Variants in PPARGC1A observed in about 807,000 individuals in gnomAD.
The protein encoded by PPARGC1A is PPARG coactivator 1 alpha, also known as peroxisome proliferator-activated receptor gamma coactivator 1-alpha.
Under a neutral mutation model 88.7 loss-of-function variants are expected in PPARGC1A, and 25 were observed. The observed-to-expected ratio is 0.28, with a 90% confidence interval of 0.21 to 0.39. The LOEUF is 0.39. Ranked by LOEUF, PPARGC1A falls within the 10% of genes least tolerant of loss-of-function variation. The pLI is 1.00. For missense variants in PPARGC1A, 880 were observed against 968.7 expected (o/e 0.91, Z 1.22); for synonymous variants, 363 against 355.6 (o/e 1.02, Z -0.24).
the PPARGC1A span, among the ~76,000 whole-genome samples, chr4:23,930,382 G>A: frequency 6.6e-6 from 1 of 152,114 alleles, no homozygotes; most frequent in African/African-American, 2.4e-5. Context: ...ATATTGTGGG[G>A]AGTAACGCCT....
chr4:24,326,375 C>T, the PPARGC1A span, among the ~76,000 whole-genome samples: 2 of 152,116 alleles, frequency 1.3e-5, no homozygotes, highest in Admixed American at 1.3e-4. Context: ...AATTGTTTTG[C>T]CTATCCACCC....
chr4:23,957,275 T>C, the PPARGC1A span, among the ~76,000 whole-genome samples: 2 of 152,200 alleles, frequency 1.3e-5, no homozygotes, highest in African/African-American at 4.8e-5. Flanking sequence ...CTCCCCAACA[T>C]ATGAAAATGC....
the PPARGC1A span, among the ~76,000 whole-genome samples, chr4:23,996,394 T>G: frequency 6.6e-6 from 1 of 152,152 alleles, no homozygotes; most frequent in South Asian, 2.1e-4. Flanking sequence ...TCGTCTTACC[T>G]TCTTTCAATC....
chr4:23,900,228 T>A (rs1719164947), upstream of PPARGC1A, among the ~76,000 whole-genome samples: 1 of 152,196 alleles, frequency 6.6e-6, no homozygotes, highest in Non-Finnish European at 1.5e-5. Flanking sequence ...CTTGAATAAG[T>A]GAAGTGAAGG....
chr4:24,123,453 T>C, the PPARGC1A span, among the ~76,000 whole-genome samples: 1 of 152,128 alleles, frequency 6.6e-6, no homozygotes, highest in Non-Finnish European at 1.5e-5. Flanking sequence ...GCCTTATTCA[T>C]TGTGAATAGT....
At chr4:24,174,505 A>C in the PPARGC1A span, among the ~76,000 whole-genome samples, 1 of 152,322 alleles carries the variant, frequency 6.6e-6, no homozygotes, top group South Asian at 2.1e-4. Context: ...TGGTTTCTTA[A>C]TAAGCACTCA....
the PPARGC1A span, among the ~76,000 whole-genome samples, chr4:23,922,281 C>G: frequency 6.6e-6 from 1 of 152,278 alleles, no homozygotes; most frequent in East Asian, 1.9e-4. Flanking sequence ...AACAGAAGAC[C>G]AGGAGTCCTC....
intron 2 of PPARGC1A, among the ~76,000 whole-genome samples, chr4:23,855,407 A>C (rs1275733559): frequency 6.6e-6 from 1 of 152,188 alleles, no homozygotes; most frequent in Non-Finnish European, 1.5e-5. Flanking sequence ...AAACTGGAAC[A>C]TAATTGGCAT....
chr4:24,336,737 TTTG>T, the PPARGC1A span, among the ~76,000 whole-genome samples: 3 of 152,172 alleles, frequency 2.0e-5, no homozygotes, highest in Admixed American at 2.0e-4. Context: ...TAGCTGGCTT[TTTG>T]TTTTTTTTCC....
At chr4:24,184,075 G>A in the PPARGC1A span, among the ~76,000 whole-genome samples, 1 of 152,160 alleles carries the variant, frequency 6.6e-6, no homozygotes, top group Non-Finnish European at 1.5e-5. Context: ...TAGGTGAAGT[G>A]TGATGTTGTA....
chr4:23,911,401 G>C, the PPARGC1A span, among the ~76,000 whole-genome samples: 1 of 152,100 alleles, frequency 6.6e-6, no homozygotes, highest in Non-Finnish European at 1.5e-5. Flanking sequence ...GCAGCGATGC[G>C]AACACAAATA....
the PPARGC1A span, among the ~76,000 whole-genome samples, chr4:24,230,803 A>G: frequency 8.5e-5 from 13 of 152,164 alleles, no homozygotes; most frequent in Non-Finnish European, 1.8e-4. Context: ...ACTGCCAACT[A>G]TACATGTTAA....
At chr4:24,126,181 C>T in the PPARGC1A span, among the ~76,000 whole-genome samples, 6 of 151,908 alleles carry the variant, frequency 3.9e-5, no homozygotes, top group African/African-American at 7.3e-5. Context: ...ATGCCAAACG[C>T]GCATTATTTC....
At chr4:23,926,893 C>T in the PPARGC1A span, among the ~76,000 whole-genome samples, 8,746 of 152,246 alleles carry the variant, frequency 0.057, 311 homozygotes, top group East Asian at 0.14. Flanking sequence ...TCATTGACAG[C>T]AGTGGCTCTC....
chr4:24,350,548 C>A, the PPARGC1A span, among the ~76,000 whole-genome samples: 1 of 152,116 alleles, frequency 6.6e-6, no homozygotes, highest in Non-Finnish European at 1.5e-5. Context: ...ATAGCTTACA[C>A]CTACTGAACG....
chr4:24,207,447 G>A, the PPARGC1A span, among the ~76,000 whole-genome samples: 2,995 of 152,242 alleles, frequency 0.02, 87 homozygotes, highest in East Asian at 0.15. Context: ...ACATACTTCA[G>A]CAAGTCAGAA....
chr4:24,163,738 A>G, the PPARGC1A span, among the ~76,000 whole-genome samples: 1 of 152,320 alleles, frequency 6.6e-6, no homozygotes, highest in South Asian at 2.1e-4. Flanking sequence ...TCTGCTTCCT[A>G]CTTACAGATC....
At chr4:24,239,709 GT>G in the PPARGC1A span, among the ~76,000 whole-genome samples, 1 of 152,136 alleles carries the variant, frequency 6.6e-6, no homozygotes, top group Non-Finnish European at 1.5e-5. Context: ...GAAAAAAAAA[GT>G]GTATATATAT....
At chr4:24,253,368 C>T in the PPARGC1A span, among the ~76,000 whole-genome samples, 4 of 152,154 alleles carry the variant, frequency 2.6e-5, no homozygotes, top group South Asian at 2.1e-4. Context: ...AATGTTGTAT[C>T]GAGGTTACAA....
Sources: allele counts gnomAD v4.1 joint callset (sites outside exome capture counted in the v4.1 genomes callset), GRCh38; gene constraint gnomAD v4.1.1; transcripts MANE v1.5; gene names NCBI Gene and HGNC (gene_info 2026-07-23, HGNC 2026-07-21).